LHFPL6: variants seen among roughly 807,000 people sequenced by gnomAD.
The protein encoded by LHFPL6 is LHFPL tetraspan subfamily member 6 protein.
In LHFPL6, 9 loss-of-function variants were observed where a neutral mutation model predicts 20.6. That is an observed-to-expected ratio of 0.44 (90% CI 0.26 to 0.76). The LOEUF (loss-of-function observed/expected upper bound fraction) is 0.76, where lower values mean the gene tolerates loss of function less well. Ranked by LOEUF, LHFPL6 falls within the 30% of genes least tolerant of loss-of-function variation. LHFPL6 has a pLI of 0.20. For synonymous variants in LHFPL6, 105 were observed against 98.7 expected (o/e 1.06, Z -0.38); for missense variants, 218 against 253.5 (o/e 0.86, Z 0.95).
intron 2 of LHFPL6, among the ~76,000 whole-genome samples, chr13:39,462,192 A>G (rs1452062921): frequency 2.0e-5 from 3 of 152,166 alleles, no homozygotes; most frequent in Admixed American, 2.0e-4. Flanking sequence ...TCTCTTCAGA[A>G]AGGCTGGAGA....
intron 2 of LHFPL6, among the ~76,000 whole-genome samples, chr13:39,534,490 T>C (rs1423271592): frequency 1.3e-5 from 2 of 152,244 alleles, no homozygotes; most frequent in Non-Finnish European, 2.9e-5. Flanking sequence ...TCTTCCCTAT[T>C]ACAAAATAGC....
Position 39,562,415 on chromosome 13 carries a change from C to CATATATACATATAT in LHFPL6, c.385+38416_385+38417insATATATGTATATAT, listed in dbSNP as rs57863254. 1.8e-4 allele frequency among the ~76,000 whole-genome samples: 10 copies of CATATATACATATAT among 54,650 alleles called. 1 individual carries two copies. Among genetic ancestry groups the CATATATACATATAT allele is most frequent in the Admixed American group, 1.1e-3 (5 of 4,546 alleles). The allele number at this position is 54,650 out of a possible 152,430, so 35.9% of individuals were successfully genotyped here. A position where few individuals can be genotyped will look rare whatever the true frequency, so the allele number is the denominator to read the frequency against. On this transcript the variant is annotated intron_variant, in intron 2 of 3. Transcript: ENST00000379589. The stretch of plus-strand genomic sequence containing the variant: ...ATATATATACATATATACACATATA[C>CATATATACATATAT]ACATATACATATATACATATATACA...
chr13:39,513,081 A>G (rs1404781657), intron 2 of LHFPL6, among the ~76,000 whole-genome samples: 1 of 152,266 alleles, frequency 6.6e-6, no homozygotes, highest in Non-Finnish European at 1.5e-5. Context: ...GAAGCATCAA[A>G]TGGGCATTTT....
In LHFPL6 at chr13:39,372,442, C is replaced by T. The variant is rs552235136; in HGVS notation, c.484+5986G>A. Among the ~76,000 whole-genome samples the T allele has an allele frequency of 3.4e-4, 52 of 152,104 alleles. No individual in the cohort carries two copies. In the South Asian group the frequency reaches 8.7e-3, roughly 25 times the overall value. ...AATCACACTGGATACTTGTTTAAAC[C>T]GCAAAAGAAAGAATTATGCAGCCTG... On this transcript the variant is annotated intron_variant, in intron 3 of 3. Transcript: ENST00000379589.
intron 2 of LHFPL6, among the ~76,000 whole-genome samples, chr13:39,461,866 C>T (rs1872696089): frequency 6.6e-6 from 1 of 152,168 alleles, no homozygotes. Context: ...CTACTTCAGG[C>T]ATTTGCCATG....
chr13:39,490,502 C>G (rs556038090), intron 2 of LHFPL6, among the ~76,000 whole-genome samples: 1 of 152,186 alleles, frequency 6.6e-6, no homozygotes, highest in Non-Finnish European at 1.5e-5. Context: ...CATCTCCACT[C>G]TGGAAAAAAT....
At chr13:39,469,270 A>T (rs8000564) in intron 2 of LHFPL6, among the ~76,000 whole-genome samples, 23,728 of 152,122 alleles carry the variant, frequency 0.16, 3,455 homozygotes, top group East Asian at 0.51. Context: ...TTCAAAATGC[A>T]TCTGAGATTG....
chr13:39,407,969 T>G (rs552850360), intron 2 of LHFPL6, among the ~76,000 whole-genome samples: 29 of 152,206 alleles, frequency 1.9e-4, no homozygotes, highest in Non-Finnish European at 3.8e-4. Context: ...GACACAGTGT[T>G]CAACGCTTCC....
At chr13:39,585,731 G>C (rs1331174517) in intron 2 of LHFPL6, among the ~76,000 whole-genome samples, 1 of 152,108 alleles carries the variant, frequency 6.6e-6, no homozygotes, top group Non-Finnish European at 1.5e-5. Flanking sequence ...CCACCTGTTT[G>C]CCCAATGGGA....
At chr13:39,408,147 G>A (rs1871161605) in intron 2 of LHFPL6, among the ~76,000 whole-genome samples, 1 of 152,152 alleles carries the variant, frequency 6.6e-6, no homozygotes, top group African/African-American at 2.4e-5. Context: ...ATTCCCCAAA[G>A]TGTCAAAAAC....
rs536070247 is a variant in LHFPL6, at chr13:39,453,569, C to T, written c.386-75043G>A. 2.0e-5 allele frequency among the ~76,000 whole-genome samples: 3 copies of T among 152,252 alleles called. No homozygotes were observed. The South Asian group carries it at 6.2e-4, about 32-fold the overall frequency. ...ATTTCATTAAAATATTCAACATTGG[C>T]AAGGCAAGTATTAGTACCCCAGCTA... is the stretch of plus-strand genomic sequence containing the variant. On this transcript the variant is annotated intron_variant, in intron 2 of 3. Coordinates refer to ENST00000379589, the MANE Select transcript of LHFPL6 (RefSeq NM_005780.3).
In LHFPL6 at chr13:39,378,286, A is replaced by G. The variant is rs1025995891; in HGVS notation, c.484+142T>C. 9.7e-6 allele frequency: 6 copies of G among 618,344 alleles called. No homozygotes were observed. The African/African-American group carries it at 1.1e-4, about 11-fold the overall frequency. The allele number at this position is 618,344 out of a possible 1,614,324, so 38.3% of individuals were successfully genotyped here. On this transcript the variant is annotated intron_variant, in intron 3 of 3. Transcript: ENST00000379589. ...ATAACTCTTCACTAAATAAATGGAT[A>G]CATTTATATTGTTACACGTGACTAC...
In LHFPL6 at chr13:39,558,224, G is replaced by A. The variant is rs375751662; in HGVS notation, c.385+42608C>T. 2.6e-5 allele frequency among the ~76,000 whole-genome samples: 4 copies of A among 152,252 alleles called. No homozygotes were observed. The East Asian group carries it at 7.7e-4, about 29-fold the overall frequency. ...TAGAATAGTAACAGACTTTGTAGAT[G>A]AGCTGTGGGGCCTTGGACAGGTCAC... On this transcript the variant is annotated intron_variant, in intron 2 of 3. Transcript: ENST00000379589.
At chr13:39,405,981 A>G (rs1446551265) in intron 2 of LHFPL6, among the ~76,000 whole-genome samples, 1 of 152,208 alleles carries the variant, frequency 6.6e-6, no homozygotes, top group Non-Finnish European at 1.5e-5. Flanking sequence ...GGTAACATTA[A>G]AAGAGTCCTC....
chr13:39,577,811 T>TG (rs1290424651), intron 2 of LHFPL6, among the ~76,000 whole-genome samples: 1 of 140,730 alleles, frequency 7.1e-6, no homozygotes, highest in Non-Finnish European at 1.5e-5. Flanking sequence ...TTTCTGTACT[T>TG]TTTTTTTTTA....
intron 2 of LHFPL6, among the ~76,000 whole-genome samples, chr13:39,563,858 G>A (rs960667166): frequency 7.2e-5 from 11 of 152,128 alleles, no homozygotes; most frequent in African/African-American, 1.9e-4. Flanking sequence ...GGTATGGCAC[G>A]TTCCTTTTCT....
chr13:39,572,288 C>CTGTGTGTGTGTG lies in LHFPL6; in HGVS notation c.385+28532_385+28543dup, dbSNP rs3222813. ...GCCGTGGTAGTATATTTTTTAAACT[C>CTGTGTGTGTGTG]TGTGTGTGTGTGTGTGTGTGTGTGT... On this transcript the variant is annotated intron_variant, in intron 2 of 3. Transcript: ENST00000379589. 8.2e-4 allele frequency among the ~76,000 whole-genome samples: 118 copies of CTGTGTGTGTGTG among 143,510 alleles called. 1 individual carries two copies. The highest frequency in any genetic ancestry group is 3.1e-3 in the East Asian group (15 of 4,772). 94.1% of individuals were successfully genotyped at this position (143,510 alleles called of 152,430 possible).
rs1447267739 is a variant in LHFPL6, at chr13:39,343,139, C to G, written c.*797G>C. 1 of 204,114 alleles carries G rather than the reference C, an allele frequency of 4.9e-6. No individual in the cohort carries two copies. The highest frequency in any genetic ancestry group is 1.0e-5 in the Non-Finnish European group (1 of 99,418). The allele number at this position is 204,114 out of a possible 1,614,324, so 12.6% of individuals were successfully genotyped here. ...TAAGAATATCATAGCAGAAGCTACT[C>G]AGAGAAATATTGCATATTGTGGAAT... On this transcript the variant is annotated 3_prime_UTR_variant, in exon 4 of 4. Transcript: ENST00000379589.
At chr13:39,452,095 A>G (rs1872462905) in intron 2 of LHFPL6, among the ~76,000 whole-genome samples, 1 of 131,122 alleles carries the variant, frequency 7.6e-6, no homozygotes, top group Non-Finnish European at 1.6e-5. Flanking sequence ...ATGTACAGCT[A>G]CATCAAGGTT....
Sources: allele counts gnomAD v4.1 joint callset (sites outside exome capture counted in the v4.1 genomes callset), GRCh38; gene constraint gnomAD v4.1.1; transcripts MANE v1.5; gene names NCBI Gene and HGNC (gene_info 2026-07-23, HGNC 2026-07-21).